Variants in KCNH8 observed in about 807,000 individuals in gnomAD.
KCNH8 encodes the protein potassium voltage-gated channel subfamily H member 8.
A neutral mutation model predicts 103.6 loss-of-function variants in KCNH8; 70 were observed. That is an observed-to-expected ratio of 0.68 (90% CI 0.56 to 0.82). The LOEUF is 0.82. KCNH8 is among the 40% of genes least tolerant of loss of function. The pLI is 0.00. For synonymous variants in KCNH8, 498 were observed against 489.4 expected (o/e 1.02, Z -0.23); for missense variants, 1,217 against 1,329.9 (o/e 0.92, Z 1.32).
At chr3:19,252,212 T>C (rs2064287868) in intron 1 of KCNH8, among the ~76,000 whole-genome samples, 1 of 152,148 alleles carries the variant, frequency 6.6e-6, no homozygotes, top group Non-Finnish European at 1.5e-5. Flanking sequence ...TCAAATTAAA[T>C]CTCAAAAAAT....
At chr3:19,323,404 G>T (rs200095947) in intron 3 of KCNH8, among the ~76,000 whole-genome samples, 2 of 151,936 alleles carry the variant, frequency 1.3e-5, no homozygotes, top group Admixed American at 1.3e-4. Flanking sequence ...AGCTGAGATC[G>T]CACCACTGCA....
chr3:19,522,178 A>C lies in KCNH8; in HGVS notation c.2619+4104A>C, dbSNP rs188867324. ...TGTGTAACATGCCTAAACAAAAAAAAAATGAGCTTTGTAGAAACATAGCAA... is the reference window on the plus strand; with the variant it reads ...TGTGTAACATGCCTAAACAAAAAAACAATGAGCTTTGTAGAAACATAGCAA... On this transcript the variant is annotated intron_variant, in intron 15 of 15. Transcript: ENST00000328405. Among the ~76,000 whole-genome samples the C allele has an allele frequency of 7.9e-5, 12 of 152,082 alleles. No homozygotes were observed. The East Asian group carries it at 2.1e-3, about 27-fold the overall frequency.
intron 7 of KCNH8, among the ~76,000 whole-genome samples, chr3:19,429,834 C>T (rs1008129118): frequency 6.6e-6 from 1 of 152,138 alleles, no homozygotes; most frequent in African/African-American, 2.4e-5. Context: ...GTTTTCTTTT[C>T]CTGCGTTAGT....
At chr3:19,513,836 T>C (rs955054381) in intron 13 of KCNH8, among the ~76,000 whole-genome samples, 7 of 152,180 alleles carry the variant, frequency 4.6e-5, no homozygotes, top group Admixed American at 3.3e-4. Flanking sequence ...CATGGTTCCA[T>C]TTTTCATTTC....
intron 1 of KCNH8, among the ~76,000 whole-genome samples, chr3:19,246,278 T>G (rs1218284933): frequency 3.7e-3 from 516 of 140,562 alleles, no homozygotes; most frequent in African/African-American, 0.013. Context: ...GTTGTTGTTT[T>G]TTTTTTTTTT....
chr3:19,257,391 C>T (rs2064360188), intron 2 of KCNH8, among the ~76,000 whole-genome samples: 1 of 151,946 alleles, frequency 6.6e-6, no homozygotes, highest in Non-Finnish European at 1.5e-5. Context: ...TTTCCCTATT[C>T]TTTCTCGTTA....
At chr3:19,345,684 A>AAAATCCT (rs1209876877) in intron 4 of KCNH8, among the ~76,000 whole-genome samples, 3 of 152,034 alleles carry the variant, frequency 2.0e-5, no homozygotes, top group Non-Finnish European at 4.4e-5. Context: ...TTGATAAAAC[A>AAAATCCT]TTACAAAAGC....
chr3:19,254,534 A>G (rs2064322918), intron 2 of KCNH8, among the ~76,000 whole-genome samples: 1 of 152,112 alleles, frequency 6.6e-6, no homozygotes, highest in South Asian at 2.1e-4. Flanking sequence ...TCTCTTTTGA[A>G]TCAAAGAGGA....
intron 3 of KCNH8, among the ~76,000 whole-genome samples, chr3:19,341,414 G>A (rs2065658129): frequency 6.6e-6 from 1 of 152,026 alleles, no homozygotes; most frequent in East Asian, 1.9e-4. Context: ...ACTAATGTTT[G>A]CTTGACATTT....
chr3:19,389,767 A>G (rs979601882), intron 5 of KCNH8, among the ~76,000 whole-genome samples: 1 of 152,032 alleles, frequency 6.6e-6, no homozygotes, highest in South Asian at 2.1e-4. Context: ...AACTGGGACT[A>G]CAGACATGTG....
chr3:19,278,994 A>G (rs2064717464), intron 2 of KCNH8, among the ~76,000 whole-genome samples: 1 of 152,178 alleles, frequency 6.6e-6, no homozygotes. Context: ...GAAGATTTTC[A>G]GGAAAATTAA....
chr3:19,368,010 C>T (rs2066036936), intron 5 of KCNH8, among the ~76,000 whole-genome samples: 1 of 151,984 alleles, frequency 6.6e-6, no homozygotes, highest in South Asian at 2.1e-4. Context: ...AGACTTATGA[C>T]CATACAGAGG....
chr3:19,479,589 G>A (rs2068046357), intron 11 of KCNH8, among the ~76,000 whole-genome samples: 1 of 152,032 alleles, frequency 6.6e-6, no homozygotes, highest in African/African-American at 2.4e-5. Context: ...TCCATTTACT[G>A]TTCCCATTAC....
Position 19,485,927 on chromosome 3 carries a change from G to A in KCNH8, c.2041-24436G>A, listed in dbSNP as rs375465973. Among the ~76,000 whole-genome samples, 11 of 152,268 alleles carry A rather than the reference G, an allele frequency of 7.2e-5. No individual in the cohort carries two copies. The East Asian group carries it at 1.9e-3, about 27-fold the overall frequency. ...CCCTTTTTCTTGTATAATGCTCCAT[G>A]CACTTGAGAATTAGAAAGGCATATC... On this transcript the variant is annotated intron_variant, in intron 11 of 15. Transcript: ENST00000328405.
chr3:19,308,428 A>G (rs550992204), intron 3 of KCNH8, among the ~76,000 whole-genome samples: 29 of 151,944 alleles, frequency 1.9e-4, no homozygotes, highest in Non-Finnish European at 3.2e-4. Context: ...ACTGAAGCCT[A>G]ATCAGTTACC....
rs533219014 is a variant in KCNH8, at chr3:19,438,238, C to A, written c.1252C>A (p.Arg418=). 1.9e-6 allele frequency: 3 copies of A among 1,614,020 alleles called. No individual in the cohort carries two copies. Among genetic ancestry groups the A allele is most frequent in the Non-Finnish European group, 1.7e-6 (2 of 1,179,988 alleles). Residue 418 remains arginine (R), a synonymous_variant, in exon 8 of 16, where the codon CGA becomes AGA. Coordinates refer to ENST00000328405, the MANE Select transcript of KCNH8 (RefSeq NM_144633.3). ...GNNTLGGPSI[R]SAYIAALYFT... ...CAATACCTTGGGGGGCCCGTCGATC[C>A]GAAGTGCCTATATTGCCGCTCTGTA...
At chr3:19,490,706 G>T (rs942435521) in intron 11 of KCNH8, among the ~76,000 whole-genome samples, 1 of 152,128 alleles carries the variant, frequency 6.6e-6, no homozygotes, top group Non-Finnish European at 1.5e-5. Context: ...CCCCCTTAAA[G>T]TGAGCAAATA....
intron 3 of KCNH8, among the ~76,000 whole-genome samples, chr3:19,320,417 C>A (rs576623604): frequency 1.3e-5 from 2 of 151,880 alleles, no homozygotes; most frequent in Non-Finnish European, 2.9e-5. Flanking sequence ...CTGAGATGAT[C>A]ATATGATTTT....
chr3:19,511,516 TAA>T (rs2068782905), intron 12 of KCNH8, among the ~76,000 whole-genome samples: 1 of 152,188 alleles, frequency 6.6e-6, no homozygotes, highest in Admixed American at 6.6e-5. Flanking sequence ...TTTCTTAGAT[TAA>T]GTTTGCCCTG....
Sources: allele counts gnomAD v4.1 joint callset (sites outside exome capture counted in the v4.1 genomes callset), GRCh38; gene constraint gnomAD v4.1.1; transcripts MANE v1.5; gene names NCBI Gene and HGNC (gene_info 2026-07-23, HGNC 2026-07-21).